Variants in TOGARAM1 observed in about 807,000 individuals in gnomAD.
TOGARAM1 encodes TOG array regulator of axonemal microtubules protein 1.
In TOGARAM1, 100 loss-of-function variants were observed where a neutral mutation model predicts 166.6. The ratio of observed to expected loss-of-function variants is 0.60; its 90% CI spans 0.51 to 0.71. The LOEUF is 0.71. TOGARAM1 is among the 30% of genes least tolerant of loss of function. TOGARAM1 has a pLI of 0.00. For synonymous variants in TOGARAM1, 758 were observed against 763.8 expected (o/e 0.99, Z 0.13); for missense variants, 2,029 against 2,102.7 (o/e 0.96, Z 0.69).
intron 15 of TOGARAM1, among the ~76,000 whole-genome samples, chr14:45,053,659 AC>A (rs952543224): frequency 1.3e-5 from 2 of 151,912 alleles, no homozygotes; most frequent in Non-Finnish European, 2.9e-5. Context: ...TATTAATATA[AC>A]CATGCAAAAA....
intron 14 of TOGARAM1, among the ~76,000 whole-genome samples, chr14:45,047,933 G>A (rs1882156998): frequency 6.6e-6 from 1 of 151,814 alleles, no homozygotes; most frequent in South Asian, 2.1e-4. Context: ...GCACATGCCT[G>A]TAATCCCAGC....
At chr14:44,984,122 A>C (rs528060632) in intron 1 of TOGARAM1, among the ~76,000 whole-genome samples, 10 of 152,298 alleles carry the variant, frequency 6.6e-5, no homozygotes, top group Admixed American at 2.6e-4. Context: ...TATTACCTTA[A>C]CATATGATTA....
At chr14:45,008,449 G>A (rs1403771211) in intron 5 of TOGARAM1, among the ~76,000 whole-genome samples, 1 of 151,992 alleles carries the variant, frequency 6.6e-6, no homozygotes, top group Non-Finnish European at 1.5e-5. Context: ...ACAGTGATCT[G>A]TAATTTTAAT....
intron 2 of TOGARAM1, chr14:44,997,503 T>G (rs1287747815): frequency 6.7e-6 from 1 of 149,528 alleles, no homozygotes; most frequent in Non-Finnish European, 1.5e-5. Flanking sequence ...GTATAGAATG[T>G]GAGAAAGAAG....
At chr14:45,064,125 T>C (rs532968971) in intron 16 of TOGARAM1, among the ~76,000 whole-genome samples, 130 of 152,270 alleles carry the variant, frequency 8.5e-4, no homozygotes, top group Non-Finnish European at 1.1e-3. Context: ...TATCTGTCTT[T>C]ACTATAGTCA....
chr14:45,008,540 A>T (rs547906539), intron 5 of TOGARAM1, among the ~76,000 whole-genome samples: 2 of 152,194 alleles, frequency 1.3e-5, no homozygotes, highest in African/African-American at 4.8e-5. Context: ...TCTAAGCCAC[A>T]TTAGCACACC....
intron 1 of TOGARAM1, among the ~76,000 whole-genome samples, chr14:44,983,340 G>A (rs1285597487): frequency 6.6e-6 from 1 of 152,180 alleles, no homozygotes; most frequent in African/African-American, 2.4e-5. Flanking sequence ...AATTTTTGAG[G>A]TAGCAGGAAA....
chr14:44,968,557 A>G (rs542051822), intron 1 of TOGARAM1, among the ~76,000 whole-genome samples: 5 of 152,156 alleles, frequency 3.3e-5, no homozygotes, highest in African/African-American at 4.8e-5. Context: ...CTGGACTTTA[A>G]TTTTTAAAGC....
At chr14:44,988,494 A>G (rs1002992353) in intron 1 of TOGARAM1, among the ~76,000 whole-genome samples, 9 of 152,242 alleles carry the variant, frequency 5.9e-5, no homozygotes, top group African/African-American at 2.2e-4. Context: ...ATTTTGATTA[A>G]CCAGCAGAAT....
chr14:45,046,796 A>T (rs746173573), intron 14 of TOGARAM1, 93 bp downstream of exon 14: 2 of 1,090,680 alleles, frequency 1.8e-6, no homozygotes, highest in Non-Finnish European at 2.4e-6. Flanking sequence ...AACATTTTCT[A>T]AATGGAGAAG....
intron 10 of TOGARAM1, among the ~76,000 whole-genome samples, chr14:45,029,879 C>T (rs1294335911): frequency 4.6e-5 from 7 of 151,946 alleles, no homozygotes; most frequent in Non-Finnish European, 8.8e-5. Context: ...TGGAGTGCAG[C>T]GGCACGATCT....
chr14:45,023,170 A>G (rs899440170), intron 7 of TOGARAM1, among the ~76,000 whole-genome samples: 2 of 152,180 alleles, frequency 1.3e-5, no homozygotes, highest in Non-Finnish European at 2.9e-5. Flanking sequence ...AACTTCCATC[A>G]GTATACAAGT....
intron 2 of TOGARAM1, among the ~76,000 whole-genome samples, chr14:44,997,938 A>C (rs1296865008): frequency 6.6e-6 from 1 of 152,260 alleles, no homozygotes; most frequent in Non-Finnish European, 1.5e-5. Context: ...ACCTATTAGA[A>C]GGGAAAATGG....
intron 1 of TOGARAM1, among the ~76,000 whole-genome samples, chr14:44,993,489 C>T (rs1328843630): frequency 6.6e-6 from 1 of 152,116 alleles, no homozygotes; most frequent in Non-Finnish European, 1.5e-5. Context: ...TCCTGAGAGT[C>T]ATCAATCAGG....
intron 16 of TOGARAM1, among the ~76,000 whole-genome samples, chr14:45,065,370 C>A (rs1279939198): frequency 6.6e-6 from 1 of 152,150 alleles, no homozygotes; most frequent in Non-Finnish European, 1.5e-5. Flanking sequence ...AATACACCAA[C>A]ACTAATGATG....
rs773541239 is a variant in TOGARAM1 at position 45,006,063 on chromosome 14, G to C, written c.2700G>C (p.Ser900=). 3 of 1,612,860 alleles carry C rather than the reference G, an allele frequency of 1.9e-6. No individual in the cohort carries two copies. In the Middle Eastern group the frequency reaches 5.0e-4, roughly 266 times the overall value. Reference sequence around the variant, plus strand: ...AGCTTACACCTGCCTTGGTGAGATCGCCATCTTCCCGACGAGGTCTAAATG... The same window carrying C: ...AGCTTACACCTGCCTTGGTGAGATCCCCATCTTCCCGACGAGGTCTAAATG... ...PVQLTPALVR[S]PSSRRGLNGT... is the part of the protein sequence containing the mutation. Residue 900 remains serine, a synonymous_variant, in exon 5 of 20, where the codon TCG becomes TCC. Coordinates refer to ENST00000361462, the MANE Select transcript of TOGARAM1 (RefSeq NM_001308120.2).
chr14:45,067,385 A>C (rs1055588011), intron 17 of TOGARAM1, among the ~76,000 whole-genome samples: 4 of 152,134 alleles, frequency 2.6e-5, no homozygotes, highest in African/African-American at 9.7e-5. Flanking sequence ...CAGATAATAA[A>C]ACTTTCCATA....
At chr14:45,040,506 A>G (rs1440082755) in intron 11 of TOGARAM1, among the ~76,000 whole-genome samples, 3 of 152,216 alleles carry the variant, frequency 2.0e-5, no homozygotes, top group Admixed American at 6.5e-5. Context: ...AAGCAAAAGC[A>G]GGTTCTTGGA....
chr14:45,065,343 G>T (rs868690515), intron 16 of TOGARAM1, among the ~76,000 whole-genome samples: 1 of 152,070 alleles, frequency 6.6e-6, no homozygotes, highest in South Asian at 2.1e-4. Flanking sequence ...CAGAAGAATT[G>T]TCTTGGCCAC....
Sources: allele counts gnomAD v4.1 joint callset (sites outside exome capture counted in the v4.1 genomes callset), GRCh38; gene constraint gnomAD v4.1.1; transcripts MANE v1.5; gene names NCBI Gene and HGNC (gene_info 2026-07-23, HGNC 2026-07-21).